Variants in SUPT3H observed in about 807,000 individuals in gnomAD.
SUPT3H encodes the protein transcription initiation protein SPT3 homolog.
A neutral mutation model predicts 44.3 loss-of-function variants in SUPT3H; 44 were observed. The ratio of observed to expected loss-of-function variants is 0.99; its 90% CI spans 0.78 to 1.28. The LOEUF is 1.28. Ranked by LOEUF, SUPT3H falls within the 50% of genes most tolerant of loss-of-function variation. SUPT3H has a pLI of 0.00. For missense variants in SUPT3H, 380 were observed against 387.1 expected (o/e 0.98, Z 0.15); for synonymous variants, 124 against 125.6 (o/e 0.99, Z 0.09).
intron 2 of SUPT3H, among the ~76,000 whole-genome samples, chr6:45,321,426 T>G (rs1031333726): frequency 6.6e-6 from 1 of 152,084 alleles, no homozygotes. Context: ...TTTGACACAT[T>G]TATTTTACAA....
At chr6:45,294,094 A>T (rs1168812579) in intron 2 of SUPT3H, among the ~76,000 whole-genome samples, 1 of 152,222 alleles carries the variant, frequency 6.6e-6, no homozygotes, top group African/African-American at 2.4e-5. Flanking sequence ...TTAACAAAAT[A>T]CTTGCTAACC....
chr6:44,979,744 G>A (rs1778836112), intron 6 of SUPT3H, among the ~76,000 whole-genome samples: 1 of 152,112 alleles, frequency 6.6e-6, no homozygotes, highest in Admixed American at 6.5e-5. Context: ...ATGAACTTAC[G>A]AGTTCATTTC....
At chr6:44,859,300 T>A (rs1396980164) in intron 10 of SUPT3H, among the ~76,000 whole-genome samples, 2 of 152,192 alleles carry the variant, frequency 1.3e-5, no homozygotes, top group Admixed American at 1.3e-4. Context: ...ACAGAACTTG[T>A]TTTTTAAGGT....
chr6:45,288,843 T>C (rs1227413683), intron 2 of SUPT3H, among the ~76,000 whole-genome samples: 2 of 151,990 alleles, frequency 1.3e-5, no homozygotes, highest in Non-Finnish European at 2.9e-5. Context: ...GAGAACTTTT[T>C]GCCCATCCTC....
At chr6:45,106,108 A>G in intron 2 of SUPT3H, 102 bp from the exon 3 acceptor site, 6 of 1,006,110 alleles carry the variant, frequency 6.0e-6, no homozygotes, top group Non-Finnish European at 7.5e-6. Context: ...AGGAGAACAT[A>G]AATTGTTTGC....
At chr6:44,985,044 A>C (rs1779588568) in intron 6 of SUPT3H, among the ~76,000 whole-genome samples, 1 of 151,870 alleles carries the variant, frequency 6.6e-6, no homozygotes, top group African/African-American at 2.4e-5. Context: ...GTCACATTCA[A>C]AACTAAAATA....
chr6:45,306,183 C>G (rs959004694), intron 2 of SUPT3H, among the ~76,000 whole-genome samples: 1 of 152,188 alleles, frequency 6.6e-6, no homozygotes, highest in Non-Finnish European at 1.5e-5. Flanking sequence ...ACAGGCAACA[C>G]ACATCACAAA....
intron 5 of SUPT3H, among the ~76,000 whole-genome samples, chr6:45,012,033 C>T (rs1474647855): frequency 6.6e-6 from 1 of 150,730 alleles, no homozygotes; most frequent in Non-Finnish European, 1.5e-5. Flanking sequence ...AGAAGTCAGC[C>T]ATAAATATTG....
chr6:45,021,890 A>C (rs1467757599), intron 3 of SUPT3H, among the ~76,000 whole-genome samples: 1 of 152,040 alleles, frequency 6.6e-6, no homozygotes, highest in Admixed American at 6.6e-5. Context: ...ATCTAAATAT[A>C]GAAATTTAAA....
chr6:45,362,080 C>A (rs1386993446), intron 2 of SUPT3H, among the ~76,000 whole-genome samples: 1 of 152,078 alleles, frequency 6.6e-6, no homozygotes, highest in South Asian at 2.1e-4. Context: ...AACAACAACA[C>A]AACTTCTGTT....
At chr6:45,356,982 CTGATA>C (rs1347199512) in intron 2 of SUPT3H, among the ~76,000 whole-genome samples, 1 of 152,132 alleles carries the variant, frequency 6.6e-6, no homozygotes, top group Non-Finnish European at 1.5e-5. Context: ...TAACCACTCT[CTGATA>C]TATTTTTAGT....
At position 45,189,098 on chromosome 6, in the gene SUPT3H, G is replaced by A. The variant is rs77231926; in HGVS notation, c.102-83092C>T. On this transcript the variant is annotated intron_variant, in intron 2 of 10. Transcript: ENST00000371459. ...ATTACAGGCATGAGCCACCAGATCCGACCCACTGGCCATTTCTTAGAAAGA... is the reference window on the plus strand; with the variant it reads ...ATTACAGGCATGAGCCACCAGATCCAACCCACTGGCCATTTCTTAGAAAGA... 5.5e-3 allele frequency among the ~76,000 whole-genome samples: 834 copies of A among 152,038 alleles called. 12 individuals carry two copies. The highest frequency in any genetic ancestry group is 0.019 in the African/African-American group (801 of 41,484).
chr6:44,962,389 C>G (rs1776152257), intron 6 of SUPT3H, among the ~76,000 whole-genome samples: 1 of 152,068 alleles, frequency 6.6e-6, no homozygotes, highest in South Asian at 2.1e-4. Context: ...GTTTTTGATT[C>G]AGTATAGCAG....
chr6:45,102,690 G>A (rs149841125), intron 3 of SUPT3H, among the ~76,000 whole-genome samples: 6 of 152,104 alleles, frequency 3.9e-5, no homozygotes, highest in East Asian at 3.9e-4. Context: ...GCTTGTAATC[G>A]CAGCACTTTG....
intron 5 of SUPT3H, among the ~76,000 whole-genome samples, chr6:45,004,259 A>C (rs577727593): frequency 6.6e-6 from 1 of 152,246 alleles, no homozygotes; most frequent in South Asian, 2.1e-4. Flanking sequence ...AGACAGGGTG[A>C]AATACTATCT....
chr6:45,175,427 C>T (rs1223880566), intron 2 of SUPT3H, among the ~76,000 whole-genome samples: 1 of 152,108 alleles, frequency 6.6e-6, no homozygotes, highest in Non-Finnish European at 1.5e-5. Flanking sequence ...AGGGGGATCA[C>T]GAGAACAGCA....
At chr6:45,238,718 T>C (rs1185842316) in intron 2 of SUPT3H, among the ~76,000 whole-genome samples, 1 of 152,218 alleles carries the variant, frequency 6.6e-6, no homozygotes, top group Non-Finnish European at 1.5e-5. Context: ...CTTATTTGGA[T>C]GAAATTGCTA....
rs1227136277 is a variant in SUPT3H, at chr6:45,095,140, A to G, written c.186+10782T>C. Among the ~76,000 whole-genome samples the G allele has an allele frequency of 1.2e-4, 19 of 152,112 alleles. No individual in the cohort carries two copies. Among genetic ancestry groups the G allele is most frequent in the Non-Finnish European group, 4.4e-5 (3 of 67,984 alleles). On this transcript the variant is annotated intron_variant, in intron 3 of 10. Coordinates refer to ENST00000371459, the MANE Select transcript of SUPT3H (RefSeq NM_003599.4). This position sits in a 1 kb window ranked among gnomAD's most constrained non-coding sequence, Gnocchi z 4.1. The stretch of plus-strand genomic sequence containing the variant: ...CTACATATACATGCTCTGGCTTAGT[A>G]CAAAGTATGAACGTTTAGTTAGCAA...
intron 2 of SUPT3H, among the ~76,000 whole-genome samples, chr6:45,299,205 T>C (rs1212111691): frequency 1.3e-5 from 2 of 151,048 alleles, no homozygotes; most frequent in East Asian, 2.0e-4. Context: ...AAAAAAAAAT[T>C]AGCCGGATGT....
Sources: allele counts gnomAD v4.1 joint callset (sites outside exome capture counted in the v4.1 genomes callset), GRCh38; gene constraint gnomAD v4.1.1; non-coding constraint Gnocchi (gnomAD v3.1); transcripts MANE v1.5; gene names NCBI Gene and HGNC (gene_info 2026-07-23, HGNC 2026-07-21).